CEP128: variants seen among roughly 807,000 people sequenced by gnomAD.
CEP128 encodes the protein centrosomal protein 128kDa.
Under a neutral mutation model 156.7 loss-of-function variants are expected in CEP128, and 132 were observed. That is an observed-to-expected ratio of 0.84 (90% CI 0.73 to 0.97). The LOEUF (loss-of-function observed/expected upper bound fraction) is 0.97, where lower values mean the gene tolerates loss of function less well. Ranked by LOEUF, CEP128 falls within the 50% of genes least tolerant of loss-of-function variation. The pLI, the probability that CEP128 is intolerant of heterozygous loss-of-function variation, is 0.00. For synonymous variants in CEP128, 469 were observed against 448.9 expected, an observed-to-expected ratio of 1.04 and a Z score of -0.57; for missense variants, 1,252 against 1,281.9, an observed-to-expected ratio of 0.98 and a Z score of 0.36.
At chr14:80,722,554 ATG>A (rs1263798073) in intron 19 of CEP128, among the ~76,000 whole-genome samples, 1 of 151,402 alleles carries the variant, frequency 6.6e-6, no homozygotes, top group Non-Finnish European at 1.5e-5. Flanking sequence ...TAAATGTAAC[ATG>A]TATCATTAAT....
intron 12 of CEP128, among the ~76,000 whole-genome samples, chr14:80,831,730 A>G (rs1013470986): frequency 1.3e-5 from 2 of 152,172 alleles, no homozygotes; most frequent in African/African-American, 4.8e-5. Context: ...TGACCAACCA[A>G]TTTACTAATC....
chr14:80,486,758 C>A (rs1268879366), downstream of CEP128, among the ~76,000 whole-genome samples: 2 of 152,104 alleles, frequency 1.3e-5, no homozygotes, highest in Admixed American at 6.6e-5. Context: ...AATTTCATAT[C>A]CAGCCAAACT....
chr14:80,819,339 C>T (rs573234425), intron 13 of CEP128, among the ~76,000 whole-genome samples: 23 of 150,654 alleles, frequency 1.5e-4, no homozygotes, highest in African/African-American at 4.9e-4. Context: ...CTCCGTCTCC[C>T]GGGTTCATGC....
At chr14:80,936,278 A>G (rs549037629) in intron 2 of CEP128, among the ~76,000 whole-genome samples, 1 of 152,320 alleles carries the variant, frequency 6.6e-6, no homozygotes, top group Non-Finnish European at 1.5e-5. Flanking sequence ...GCACTTTGAC[A>G]GGCCAAAGTG....
At chr14:80,845,672 T>A (rs548082407) in intron 9 of CEP128, among the ~76,000 whole-genome samples, 1 of 152,182 alleles carries the variant, frequency 6.6e-6, no homozygotes, top group Non-Finnish European at 1.5e-5. Flanking sequence ...AGTTAAAGGA[T>A]GTTATTTTAT....
chr14:80,655,697 C>A lies in CEP128; in HGVS notation c.2807-75274G>T, dbSNP rs372531209. Among the ~76,000 whole-genome samples the A allele has an allele frequency of 2.6e-3, 390 of 152,194 alleles. 1 individual carries two copies. The highest frequency in any genetic ancestry group is 8.6e-3 in the African/African-American group (359 of 41,516). On this transcript the variant is annotated intron_variant, in intron 19 of 24. Coordinates refer to ENST00000555265, the MANE Select transcript of CEP128 (RefSeq NM_152446.5). ...TACAAATTCAGGAAAGAGGCACCTA[C>A]CCTTTGGGATTGTTTCGCTGGTAGA...
intron 19 of CEP128, among the ~76,000 whole-genome samples, chr14:80,601,071 A>G (rs530549277): frequency 1.3e-5 from 2 of 152,060 alleles, no homozygotes; most frequent in Admixed American, 1.3e-4. Context: ...AAACTCAAAA[A>G]TAAAAAAAAA....
At chr14:80,891,707 T>A (rs1889109711) in intron 8 of CEP128, among the ~76,000 whole-genome samples, 1 of 152,084 alleles carries the variant, frequency 6.6e-6, no homozygotes, top group South Asian at 2.1e-4. Context: ...ATTGAATTGT[T>A]TGTAACAAAG....
At chr14:80,562,104 T>A (rs1288471071) in intron 20 of CEP128, among the ~76,000 whole-genome samples, 3 of 151,740 alleles carry the variant, frequency 2.0e-5, no homozygotes, top group Non-Finnish European at 2.9e-5. Flanking sequence ...ATTTTTTTAT[T>A]TTTAGTAGAG....
intron 9 of CEP128, among the ~76,000 whole-genome samples, chr14:80,849,525 G>C (rs1886782715): frequency 6.6e-6 from 1 of 152,152 alleles, no homozygotes; most frequent in Non-Finnish European, 1.5e-5. Context: ...TGAGGTTATA[G>C]TTCTAAATAC....
intron 18 of CEP128, 75 bp from the exon 19 acceptor site, chr14:80,743,342 ATAAG>A: frequency 1.7e-6 from 2 of 1,176,686 alleles, no homozygotes; most frequent in East Asian, 2.5e-5. Context: ...GAAGAAAAAA[ATAAG>A]TAACATAATT....
At chr14:80,526,645 T>C in intron 23 of CEP128, 2 of 362,456 alleles carry the variant, frequency 5.5e-6, no homozygotes, top group East Asian at 4.6e-5. Flanking sequence ...TATCAAGCAG[T>C]GATGGCACAG....
chr14:80,761,732 C>T, intron 16 of CEP128, 119 bp from the exon 17 acceptor site: 1 of 618,914 alleles, frequency 1.6e-6, no homozygotes, highest in Non-Finnish European at 2.6e-6. Context: ...TTCCATCAGT[C>T]CCCTTACTTT....
At chr14:80,770,704 C>G (rs1228451963) in intron 16 of CEP128, among the ~76,000 whole-genome samples, 3 of 152,092 alleles carry the variant, frequency 2.0e-5, no homozygotes, top group African/African-American at 7.2e-5. Context: ...CTTAGAGTAT[C>G]TGGTTTAAAT....
At chr14:80,605,308 A>G (rs571271913) in intron 19 of CEP128, among the ~76,000 whole-genome samples, 3 of 152,206 alleles carry the variant, frequency 2.0e-5, no homozygotes, top group Non-Finnish European at 2.9e-5. Flanking sequence ...ATTAATATGT[A>G]TAACAATTAT....
intron 18 of CEP128, among the ~76,000 whole-genome samples, chr14:80,751,162 G>T (rs2139639288): frequency 6.6e-6 from 1 of 152,264 alleles, no homozygotes; most frequent in East Asian, 1.9e-4. Context: ...TCATTGTGTG[G>T]TATTTCGTTA....
At chr14:80,695,811 T>C (rs2139333783) in intron 19 of CEP128, among the ~76,000 whole-genome samples, 1 of 152,188 alleles carries the variant, frequency 6.6e-6, no homozygotes, top group Admixed American at 6.5e-5. Context: ...GCAGTATTAA[T>C]AGACTTTCAA....
intron 19 of CEP128, among the ~76,000 whole-genome samples, chr14:80,646,218 A>G (rs905894259): frequency 2.0e-5 from 3 of 152,154 alleles, no homozygotes; most frequent in African/African-American, 7.2e-5. Flanking sequence ...ATGTGTCAAT[A>G]TAGGTTTATC....
chr14:80,606,999 A>G (rs937241368), intron 19 of CEP128, among the ~76,000 whole-genome samples: 1 of 151,482 alleles, frequency 6.6e-6, no homozygotes, highest in Non-Finnish European at 1.5e-5. Context: ...ACATGTACAT[A>G]TATTTTAATA....
Sources: gnomAD v4.1 joint callset for allele counts (sites outside exome capture counted in the v4.1 genomes callset) on GRCh38, gnomAD v4.1.1 for gene constraint, MANE v1.5 for transcripts, NCBI Gene and HGNC (gene_info 2026-07-23, HGNC 2026-07-21) for gene names.